SLIT3: variants seen among roughly 807,000 people sequenced by gnomAD.
The protein encoded by SLIT3 is slit guidance ligand 3.
SLIT3 carries 68 observed loss-of-function variants against 184.0 expected under a neutral mutation model. The ratio of observed to expected loss-of-function variants is 0.37; its 90% CI spans 0.30 to 0.45. The LOEUF is 0.45. Among genes scored for constraint, SLIT3 ranks in the 20% least tolerant of loss-of-function variants. The pLI is 1.00. For missense variants in SLIT3, 1,707 were observed against 2,026.0 expected (o/e 0.84, Z 3.02); for synonymous variants, 831 against 828.6 (o/e 1.00, Z -0.05).
chr5:169,256,329 T>C (rs552956734), intron 1 of SLIT3, among the ~76,000 whole-genome samples: 1 of 152,286 alleles, frequency 6.6e-6, no homozygotes, highest in East Asian at 1.9e-4. Flanking sequence ...GATACACAAA[T>C]ACTCACCATT....
intron 14 of SLIT3, chr5:168,768,171 G>T: frequency 1.9e-6 from 1 of 523,684 alleles, no homozygotes. Context: ...TGCTTTCCGC[G>T]GTGCTTGACA....
Position 169,040,884 on chromosome 5 carries a change from G to A in SLIT3, c.413+152595C>T, listed in dbSNP as rs115045549. Among the ~76,000 whole-genome samples, 961 of 152,312 alleles carry A rather than the reference G, an allele frequency of 6.3e-3. 12 individuals carry two copies. Among genetic ancestry groups the A allele is most frequent in the African/African-American group, 0.022 (911 of 41,568 alleles). On this transcript the variant is annotated intron_variant, in intron 4 of 35. Coordinates refer to ENST00000519560, the MANE Select transcript of SLIT3 (RefSeq NM_003062.4). The stretch of plus-strand genomic sequence containing the variant: ...AACAGCGGCAATCTTTCTTAGAGCT[G>A]GCTCATTTCTCCTACTCCCCACCTC...
In SLIT3 at chr5:168,855,421, A is replaced by G. The variant is rs566029887; in HGVS notation, c.486-10766T>C. 3.9e-5 allele frequency among the ~76,000 whole-genome samples: 6 copies of G among 152,386 alleles called. No individual in the cohort carries two copies. The South Asian group carries it at 1.0e-3, about 26-fold the overall frequency. ...TGTTCAAACAAAAACTTGCACACAA[A>G]TGTTCATAGTGGCACCATTCACAAT... On this transcript the variant is annotated intron_variant, in intron 5 of 35. Coordinates refer to ENST00000519560, the MANE Select transcript of SLIT3 (RefSeq NM_003062.4).
intron 3 of SLIT3, among the ~76,000 whole-genome samples, chr5:169,221,598 T>C (rs986150638): frequency 6.6e-6 from 1 of 152,216 alleles, no homozygotes; most frequent in Admixed American, 6.5e-5. Context: ...ATTTATTCAC[T>C]GCTTCTGTTG....
chr5:168,889,582 A>G (rs1483522393), intron 4 of SLIT3, among the ~76,000 whole-genome samples: 1 of 152,222 alleles, frequency 6.6e-6, no homozygotes, highest in Non-Finnish European at 1.5e-5. Flanking sequence ...TCCTTCTGCA[A>G]TCCTTTCCCT....
intron 18 of SLIT3, among the ~76,000 whole-genome samples, chr5:168,750,921 G>A (rs1302485804): frequency 1.3e-5 from 2 of 152,102 alleles, no homozygotes; most frequent in Non-Finnish European, 2.9e-5. Context: ...GAATGACACA[G>A]TATGTTAGGA....
At chr5:169,129,423 G>A (rs913698472) in intron 4 of SLIT3, among the ~76,000 whole-genome samples, 3 of 151,976 alleles carry the variant, frequency 2.0e-5, no homozygotes, top group South Asian at 2.1e-4. Context: ...GTGGTGGTGG[G>A]CGCCTGTAAT....
Position 169,154,163 on chromosome 5 carries a change from G to A in SLIT3, c.413+39316C>T, listed in dbSNP as rs190845344. ...AATTTTTTGTATTTTTAGTAGAGAC[G>A]GGGTTTCACCGTGGTCTCGATCTCC... On this transcript the variant is annotated intron_variant, in intron 4 of 35. Coordinates refer to ENST00000519560, the MANE Select transcript of SLIT3 (RefSeq NM_003062.4). Among the ~76,000 whole-genome samples, 14 of 152,034 alleles carry A rather than the reference G, an allele frequency of 9.2e-5. 1 individual carries two copies. In the East Asian group the frequency reaches 1.9e-3, roughly 21 times the overall value.
chr5:169,069,683 T>C (rs1758474961), intron 4 of SLIT3, among the ~76,000 whole-genome samples: 1 of 151,924 alleles, frequency 6.6e-6, no homozygotes, highest in African/African-American at 2.4e-5. Flanking sequence ...CATGACCCAC[T>C]GGGGATCACC....
chr5:169,167,728 T>C (rs1762686557), intron 4 of SLIT3, among the ~76,000 whole-genome samples: 1 of 152,162 alleles, frequency 6.6e-6, no homozygotes, highest in African/African-American at 2.4e-5. Flanking sequence ...CCAGGCAGGC[T>C]GGCTTCTGGT....
intron 2 of SLIT3, among the ~76,000 whole-genome samples, chr5:169,250,384 A>G (rs911020220): frequency 6.6e-6 from 1 of 152,230 alleles, no homozygotes; most frequent in African/African-American, 2.4e-5. Flanking sequence ...ACGTGTAACT[A>G]TGAGAGTTGA....
chr5:169,101,094 G>T lies in SLIT3; in HGVS notation c.413+92385C>A, dbSNP rs140732490. On this transcript the variant is annotated intron_variant, in intron 4 of 35. Coordinates refer to ENST00000519560, the MANE Select transcript of SLIT3 (RefSeq NM_003062.4). Reference sequence around the variant, plus strand: ...GAGCATATTTCATTTTGTCCTGAGTGCCATGGGAGGCTGAAGTTAGTGTTT... The same window carrying T: ...GAGCATATTTCATTTTGTCCTGAGTTCCATGGGAGGCTGAAGTTAGTGTTT... Among the ~76,000 whole-genome samples, 706 of 152,302 alleles carry T rather than the reference G, an allele frequency of 4.6e-3. 5 individuals are homozygous for T. Among genetic ancestry groups the T allele is most frequent in the African/African-American group, 0.016 (677 of 41,554 alleles).
At chr5:168,815,158 C>T (rs1170693619) in intron 8 of SLIT3, among the ~76,000 whole-genome samples, 3 of 152,244 alleles carry the variant, frequency 2.0e-5, no homozygotes, top group African/African-American at 4.8e-5. Context: ...GGATTAACTG[C>T]TATAAACAGA....
chr5:169,292,625 A>T (rs1431357519), intron 1 of SLIT3, among the ~76,000 whole-genome samples: 1 of 152,206 alleles, frequency 6.6e-6, no homozygotes, highest in Non-Finnish European at 1.5e-5. Flanking sequence ...TTATATTGAC[A>T]ACTTGGATAA....
chr5:169,123,393 G>C (rs1760956673), intron 4 of SLIT3, among the ~76,000 whole-genome samples: 1 of 151,772 alleles, frequency 6.6e-6, no homozygotes, highest in African/African-American at 2.4e-5. Context: ...AGATGATGTT[G>C]AATATGAAGC....
At chr5:168,810,963 C>G (rs1463651357) in intron 8 of SLIT3, among the ~76,000 whole-genome samples, 1 of 152,108 alleles carries the variant, frequency 6.6e-6, no homozygotes, top group Non-Finnish European at 1.5e-5. Flanking sequence ...CTGAAGTTAT[C>G]AGAGGGAAGA....
chr5:168,755,449 T>TTCTTTCTTTCTTTCTTTCTTTC, intron 16 of SLIT3, among the ~76,000 whole-genome samples: 1 of 85,104 alleles, frequency 1.2e-5, no homozygotes, highest in East Asian at 4.2e-4. Flanking sequence ...TTCTTTCTTT[T>TTCTTTCTTTCTTTCTTTCTTTC]TGAGACAGAA....
intron 2 of SLIT3, among the ~76,000 whole-genome samples, chr5:169,245,581 C>T (rs1765562256): frequency 6.6e-6 from 1 of 152,116 alleles, no homozygotes; most frequent in Non-Finnish European, 1.5e-5. Context: ...ACAGATTGCA[C>T]ATGGTGGCTG....
chr5:169,254,472 A>C (rs1581106043), intron 1 of SLIT3, among the ~76,000 whole-genome samples: 1 of 149,258 alleles, frequency 6.7e-6, no homozygotes, highest in African/African-American at 2.5e-5. Context: ...CATGTCTGCC[A>C]TTTCTTTCTT....
Sources: allele counts gnomAD v4.1 joint callset (sites outside exome capture counted in the v4.1 genomes callset), GRCh38; gene constraint gnomAD v4.1.1; transcripts MANE v1.5; gene names NCBI Gene and HGNC (gene_info 2026-07-23, HGNC 2026-07-21).